The following ADARB2 variants were observed in gnomAD, a reference collection of about 807,000 sequenced individuals.
The protein encoded by ADARB2 is adenosine deaminase RNA specific B2 (inactive), also known as inactive double-stranded RNA-specific editase B2.
A neutral mutation model predicts 62.2 loss-of-function variants in ADARB2; 25 were observed. The ratio of observed to expected loss-of-function variants is 0.40; its 90% CI spans 0.29 to 0.56. ADARB2 has a LOEUF of 0.56. ADARB2 is among the 20% of genes least tolerant of loss of function. The probability of loss-of-function intolerance (pLI) is 0.43; values close to 1 mark genes in which losing one functional copy is unlikely to be tolerated. For missense variants in ADARB2, 1,071 were observed against 1,077.4 expected, an observed-to-expected ratio of 0.99 and a Z score of 0.08; for synonymous variants, 572 against 500.8, an observed-to-expected ratio of 1.14 and a Z score of -1.90.
intron 4 of ADARB2, among the ~76,000 whole-genome samples, chr10:1,260,438 A>G (rs1215808610): frequency 2.0e-5 from 3 of 151,070 alleles, no homozygotes; most frequent in South Asian, 2.1e-4. Context: ...TAAGCTGATA[A>G]GCAACTTCAG....
intron 3 of ADARB2, among the ~76,000 whole-genome samples, chr10:1,271,647 CACACAT>C (rs1209825090): frequency 3.9e-5 from 6 of 152,190 alleles, no homozygotes; most frequent in Admixed American, 6.5e-5. Context: ...CACACAGACA[CACACAT>C]ACACATACAC....
chr10:1,402,755 C>T (rs1292542951), intron 1 of ADARB2, among the ~76,000 whole-genome samples: 2 of 152,182 alleles, frequency 1.3e-5, no homozygotes, highest in Non-Finnish European at 2.9e-5. Flanking sequence ...TCAGCTCCAA[C>T]GGGGGCTCTG....
chr10:1,481,799 G>C (rs1266468719), intron 1 of ADARB2, among the ~76,000 whole-genome samples: 2 of 150,292 alleles, frequency 1.3e-5, no homozygotes, highest in East Asian at 2.0e-4. Context: ...GAAGTTTGCA[G>C]TGAGCTGAGA....
At chr10:1,546,367 T>C (rs1832520055) in intron 1 of ADARB2, among the ~76,000 whole-genome samples, 1 of 152,328 alleles carries the variant, frequency 6.6e-6, no homozygotes, top group East Asian at 1.9e-4. Context: ...CAGACCGGCC[T>C]CCACGGGGTG....
Position 1,183,076 on chromosome 10 carries a change from T to C in ADARB2, c.*117A>G. ...TCCAAACATTGCACACTCGCGTGTT[T>C]CTGGGACACCAAAGTAAAACGAATG... On this transcript the variant is annotated 3_prime_UTR_variant, in exon 10 of 10. Transcript: ENST00000381312. The C allele has an allele frequency of 2.5e-6, 3 of 1,216,518 alleles. No homozygotes were observed. The highest frequency in any genetic ancestry group is 1.1e-6 in the Non-Finnish European group (1 of 877,244). 75.4% of individuals were successfully genotyped at this position (1,216,518 alleles called of 1,614,324 possible).
intron 1 of ADARB2, among the ~76,000 whole-genome samples, chr10:1,669,597 G>A (rs1179803339): frequency 1.4e-5 from 2 of 143,876 alleles, no homozygotes; most frequent in East Asian, 2.1e-4. Flanking sequence ...CACAAACACA[G>A]ACACACTCAT....
chr10:1,635,550 C>T (rs1423801835), intron 1 of ADARB2, among the ~76,000 whole-genome samples: 3 of 152,242 alleles, frequency 2.0e-5, no homozygotes, highest in South Asian at 2.1e-4. Flanking sequence ...GATGATGAAA[C>T]CTCCCTGCTT....
intron 1 of ADARB2, among the ~76,000 whole-genome samples, chr10:1,622,989 G>A (rs946274163): frequency 1.3e-5 from 2 of 152,156 alleles, no homozygotes; most frequent in South Asian, 2.1e-4. Context: ...ATAGCATTCC[G>A]TAGGCCAAAG....
chr10:1,491,194 A>G lies in ADARB2; in HGVS notation c.101-112034T>C, dbSNP rs539401150. On this transcript the variant is annotated intron_variant, in intron 1 of 9. Transcript: ENST00000381312. ...AGCAATCCTCCCACCTCAGCCTCCC[A>G]AGTAGTTGGGATTACAGGTGTAAGC... 5.8e-4 allele frequency among the ~76,000 whole-genome samples: 89 copies of G among 152,138 alleles called. 1 individual carries two copies. In the South Asian group the frequency reaches 0.016, roughly 28 times the overall value.
chr10:1,410,773 G>A (rs903795325), intron 1 of ADARB2, among the ~76,000 whole-genome samples: 2 of 152,152 alleles, frequency 1.3e-5, no homozygotes, highest in African/African-American at 4.8e-5. Flanking sequence ...AGCAGGAATC[G>A]TCGGTGCAAT....
At chr10:1,310,775 ACT>A (rs1297195699) in intron 3 of ADARB2, among the ~76,000 whole-genome samples, 3 of 152,056 alleles carry the variant, frequency 2.0e-5, no homozygotes, top group Non-Finnish European at 4.4e-5. Flanking sequence ...TTTCACTCTG[ACT>A]CTCGTTTCCC....
chr10:1,401,502 C>T (rs1426419529), intron 1 of ADARB2, among the ~76,000 whole-genome samples: 7 of 152,146 alleles, frequency 4.6e-5, no homozygotes, highest in Non-Finnish European at 7.4e-5. Context: ...GGTGATGGTC[C>T]CAGCTCCCTT....
intron 1 of ADARB2, among the ~76,000 whole-genome samples, chr10:1,729,719 C>A (rs900842805): frequency 2.0e-5 from 3 of 152,174 alleles, no homozygotes; most frequent in Non-Finnish European, 4.4e-5. Flanking sequence ...TTCTTAGCAA[C>A]AGTAAGGACC....
intron 4 of ADARB2, among the ~76,000 whole-genome samples, chr10:1,264,257 C>T (rs561484600): frequency 6.6e-6 from 1 of 152,146 alleles, no homozygotes; most frequent in African/African-American, 2.4e-5. Context: ...GCTTATCTTC[C>T]TCATGCCCGA....
intron 1 of ADARB2, among the ~76,000 whole-genome samples, chr10:1,509,100 C>T (rs904263513): frequency 3.3e-5 from 5 of 152,174 alleles, no homozygotes; most frequent in Non-Finnish European, 5.9e-5. Context: ...AATCGTGCCT[C>T]GTTTCCTGCT....
chr10:1,376,314 T>A (rs1832429107), intron 2 of ADARB2, among the ~76,000 whole-genome samples: 2 of 152,256 alleles, frequency 1.3e-5, no homozygotes, highest in African/African-American at 2.4e-5. Flanking sequence ...AAGAGCATTT[T>A]AACTACCATA....
intron 6 of ADARB2, among the ~76,000 whole-genome samples, chr10:1,225,864 T>C (rs918814758): frequency 2.0e-5 from 3 of 152,150 alleles, no homozygotes; most frequent in African/African-American, 7.2e-5. Flanking sequence ...ATTTCAACTT[T>C]GGTGAATCTG....
intron 1 of ADARB2, among the ~76,000 whole-genome samples, chr10:1,494,791 C>T (rs1382843850): frequency 1.3e-5 from 2 of 152,094 alleles, no homozygotes; most frequent in Non-Finnish European, 2.9e-5. Context: ...ACCTCCCAAA[C>T]GTTTACCATG....
intron 1 of ADARB2, among the ~76,000 whole-genome samples, chr10:1,660,348 T>G (rs1834229992): frequency 6.6e-6 from 1 of 152,256 alleles, no homozygotes; most frequent in Non-Finnish European, 1.5e-5. Context: ...CAGAAATTAT[T>G]AATTATTAAT....
Sources: gnomAD v4.1 joint callset for allele counts (sites outside exome capture counted in the v4.1 genomes callset) on GRCh38, gnomAD v4.1.1 for gene constraint, MANE v1.5 for transcripts, NCBI Gene and HGNC (gene_info 2026-07-23, HGNC 2026-07-21) for gene names.